The following SDHAF4 variants were observed in gnomAD, a reference collection of about 807,000 sequenced individuals.
The protein encoded by SDHAF4 is succinate dehydrogenase complex assembly factor 4.
A neutral mutation model predicts 14.3 loss-of-function variants in SDHAF4; 14 were observed. That is an observed-to-expected ratio of 0.98 (90% CI 0.65 to 1.53). The LOEUF is 1.53. Ranked by LOEUF, SDHAF4 falls within the 40% of genes most tolerant of loss-of-function variation. The probability of loss-of-function intolerance (pLI) is 0.00; values close to 1 mark genes in which losing one functional copy is unlikely to be tolerated. For synonymous variants in SDHAF4, 63 were observed against 47.3 expected, an observed-to-expected ratio of 1.33 and a Z score of -1.36; for missense variants, 141 against 129.3, an observed-to-expected ratio of 1.09 and a Z score of -0.44.
At position 70,589,088 on chromosome 6, in the gene SDHAF4, G is replaced by GA. The variant is rs1259355058; in HGVS notation, c.*367dup. The GA allele has an allele frequency of 6.6e-6, 1 of 152,628 alleles. No individual in the cohort carries two copies. Among genetic ancestry groups the GA allele is most frequent in the Non-Finnish European group, 1.4e-5 (1 of 69,100 alleles). 9.5% of individuals were successfully genotyped at this position (152,628 alleles called of 1,614,324 possible). ...GCACTCCAGCCTGGGCAACAAGAGCGAAACTCCGTCTCAAAAAAAAAGATA... is the reference window on the plus strand; with the variant it reads ...GCACTCCAGCCTGGGCAACAAGAGCGAAAACTCCGTCTCAAAAAAAAAGATA... On this transcript the variant is annotated 3_prime_UTR_variant, in exon 3 of 3. Coordinates refer to ENST00000370474, the MANE Select transcript of SDHAF4 (RefSeq NM_145267.3).
chr6:70,571,941 T>G (rs73480271), intron 1 of SDHAF4, among the ~76,000 whole-genome samples: 6,545 of 152,084 alleles, frequency 0.043, 304 homozygotes, highest in African/African-American at 0.1. Flanking sequence ...TTTTTTAAAA[T>G]TTTCTGCTCT....
At chr6:70,596,440 A>G in the SDHAF4 span, 4 of 152,206 alleles carry the variant, frequency 2.6e-5, no homozygotes, top group African/African-American at 9.6e-5. Context: ...ACAGGTGTCA[A>G]ACCCTACCTA....
chr6:70,588,403 C>T (rs960669694), intron 2 of SDHAF4, among the ~76,000 whole-genome samples: 7 of 152,102 alleles, frequency 4.6e-5, no homozygotes, highest in Admixed American at 2.0e-4. Flanking sequence ...GCGTGTAATC[C>T]CAGCTACTCA....
At chr6:70,573,990 AAAGCCAAAAGTAATT>A (rs1277520287) in intron 1 of SDHAF4, among the ~76,000 whole-genome samples, 1 of 152,004 alleles carries the variant, frequency 6.6e-6, no homozygotes, top group African/African-American at 2.4e-5. Context: ...AAAAACTTGC[AAAGCCAAAAGTAATT>A]AAGCAAAAAG....
the SDHAF4 span, among the ~76,000 whole-genome samples, chr6:70,597,685 G>A: frequency 6.6e-6 from 1 of 152,026 alleles, no homozygotes; most frequent in African/African-American, 2.4e-5. Flanking sequence ...TCAGAGACCT[G>A]GATTTTCAGC....
At chr6:70,596,463 A>G in the SDHAF4 span, 2 of 152,208 alleles carry the variant, frequency 1.3e-5, no homozygotes, top group African/African-American at 4.8e-5. Flanking sequence ...CCCCTCCTTC[A>G]TAATTCACAG....
At chr6:70,576,710 A>G (rs1461085576) in intron 1 of SDHAF4, among the ~76,000 whole-genome samples, 2 of 152,264 alleles carry the variant, frequency 1.3e-5, no homozygotes, top group African/African-American at 2.4e-5. Flanking sequence ...GCTTACAGAT[A>G]ATTCCATCAA....
chr6:70,591,272 T>C (rs1765255361), downstream of SDHAF4, among the ~76,000 whole-genome samples: 1 of 151,822 alleles, frequency 6.6e-6, no homozygotes, highest in African/African-American at 2.4e-5. Flanking sequence ...TCTCAGTAAG[T>C]GTTAACTCTC....
chr6:70,590,214 G>A (rs1765246138), downstream of SDHAF4, among the ~76,000 whole-genome samples: 1 of 149,696 alleles, frequency 6.7e-6, no homozygotes, highest in South Asian at 2.2e-4. Flanking sequence ...CTCCAGCCTG[G>A]GTGACAGAGC....
At chr6:70,574,214 G>A (rs147112346) in intron 1 of SDHAF4, among the ~76,000 whole-genome samples, 418 of 152,104 alleles carry the variant, frequency 2.7e-3, no homozygotes, top group African/African-American at 9.3e-3. Context: ...CCAGCTATTG[G>A]GAGGCTGAGG....
rs373362533 is a variant in SDHAF4 at position 70,570,756 on chromosome 6, A to T, written c.64+3752A>T. ...ATCATTAAGGTGTGATATTGCAGTC[A>T]TTTAGATAAAATTGCTACATTTTTT... is the stretch of plus-strand genomic sequence containing the variant. On this transcript the variant is annotated intron_variant, in intron 1 of 2. Transcript: ENST00000370474. Among the ~76,000 whole-genome samples, 15 of 152,344 alleles carry T rather than the reference A, an allele frequency of 9.8e-5. No individual in the cohort carries two copies. In the East Asian group the frequency reaches 2.5e-3, roughly 25 times the overall value.
the SDHAF4 span, among the ~76,000 whole-genome samples, chr6:70,597,311 T>G: frequency 6.8e-6 from 1 of 147,076 alleles, no homozygotes; most frequent in East Asian, 1.9e-4. Context: ...TTTTTTTTTT[T>G]TTTTTTTTTG....
intron 1 of SDHAF4, among the ~76,000 whole-genome samples, chr6:70,568,933 A>T (rs1036543216): frequency 2.8e-5 from 4 of 140,480 alleles, no homozygotes. Context: ...TCAAATATTC[A>T]CTTTTTGTGA....
intron 1 of SDHAF4, among the ~76,000 whole-genome samples, chr6:70,571,501 G>T (rs966713249): frequency 1.3e-5 from 2 of 152,166 alleles, no homozygotes; most frequent in Admixed American, 1.3e-4. Flanking sequence ...TTTTAGTAGA[G>T]ACAGGGTTTC....
Position 70,579,327 on chromosome 6 carries a change from A to G in SDHAF4, c.65-87A>G, listed in dbSNP as rs557679993. ...AACTTTGAGAAATGTGAATGTATAAACTAAAAACAAATAAATAAAATTTTA... is the reference window on the plus strand; with the variant it reads ...AACTTTGAGAAATGTGAATGTATAAGCTAAAAACAAATAAATAAAATTTTA... On this transcript the variant is annotated intron_variant, in intron 1 of 2. Transcript: ENST00000370474. 67 of 1,112,876 alleles carry G rather than the reference A, an allele frequency of 6.0e-5. No individual in the cohort carries two copies. In the African/African-American group the frequency reaches 1.0e-3, roughly 17 times the overall value. The allele number at this position is 1,112,876 out of a possible 1,614,324, so 68.9% of individuals were successfully genotyped here. A position where few individuals can be genotyped will look rare whatever the true frequency, so the allele number is the denominator to read the frequency against.
Position 70,567,012 on chromosome 6 carries a change from C to A in SDHAF4, c.64+8C>A. ...CGGCGTGGAGAGCGGCAAGTAAGCA[C>A]CTGGCCTCGGGGCCACGGTCGCGGG... On this transcript the variant is annotated splice_region_variant and intron_variant, in intron 1 of 2. Coordinates refer to ENST00000370474, the MANE Select transcript of SDHAF4 (RefSeq NM_145267.3). The A allele has an allele frequency of 6.3e-7, 1 of 1,581,580 alleles. No individual in the cohort carries two copies. The highest frequency in any genetic ancestry group is 2.3e-5 in the East Asian group (1 of 43,258).
At chr6:70,574,132 C>T (rs935021738) in intron 1 of SDHAF4, among the ~76,000 whole-genome samples, 1 of 151,742 alleles carries the variant, frequency 6.6e-6, no homozygotes, top group Non-Finnish European at 1.5e-5. Flanking sequence ...ACCAGCCTGG[C>T]CTACATGGTG....
At chr6:70,567,976 C>T (rs1214386512) in intron 1 of SDHAF4, among the ~76,000 whole-genome samples, 1 of 152,188 alleles carries the variant, frequency 6.6e-6, no homozygotes, top group Non-Finnish European at 1.5e-5. Flanking sequence ...TGAGCCACCG[C>T]GCCCGGTCCG....
chr6:70,585,907 T>G (rs1030961496), intron 2 of SDHAF4, among the ~76,000 whole-genome samples: 3 of 152,186 alleles, frequency 2.0e-5, no homozygotes, highest in African/African-American at 7.2e-5. Context: ...TCTCCTGCAG[T>G]TTCCCCGTGC....
Sources: allele counts gnomAD v4.1 joint callset (sites outside exome capture counted in the v4.1 genomes callset), GRCh38; gene constraint gnomAD v4.1.1; transcripts MANE v1.5; gene names NCBI Gene and HGNC (gene_info 2026-07-23, HGNC 2026-07-21).